The following ALK variants were observed in gnomAD, a reference collection of about 807,000 sequenced individuals.
ALK encodes the protein ALK tyrosine kinase receptor.
A neutral mutation model predicts 163.1 loss-of-function variants in ALK; 74 were observed. That is an observed-to-expected ratio of 0.45 (90% CI 0.38 to 0.55). The LOEUF (loss-of-function observed/expected upper bound fraction) is 0.55, where lower values mean the gene tolerates loss of function less well. Ranked by LOEUF, ALK falls within the 20% of genes least tolerant of loss-of-function variation. ALK has a pLI of 0.00. For missense variants in ALK, 2,063 were observed against 2,105.3 expected, an observed-to-expected ratio of 0.98 and a Z score of 0.39; for synonymous variants, 960 against 843.2, an observed-to-expected ratio of 1.14 and a Z score of -2.40.
intron 3 of ALK, among the ~76,000 whole-genome samples, chr2:29,563,954 C>A (rs1019027060): frequency 6.6e-6 from 1 of 152,180 alleles, no homozygotes. Flanking sequence ...TCACCTGCCA[C>A]CTCCTAACCT....
intron 1 of ALK, among the ~76,000 whole-genome samples, chr2:29,790,654 G>A (rs1330026869): frequency 6.6e-6 from 1 of 152,160 alleles, no homozygotes; most frequent in Non-Finnish European, 1.5e-5. Flanking sequence ...CACGATCTCG[G>A]CTCACTGCAA....
chr2:29,745,861 A>C (rs761931876), intron 1 of ALK, among the ~76,000 whole-genome samples: 4 of 152,198 alleles, frequency 2.6e-5, no homozygotes, highest in Non-Finnish European at 5.9e-5. Context: ...TGAATGAGGG[A>C]ATGATCCTAG....
At chr2:29,420,365 T>C (rs986478292) in intron 4 of ALK, among the ~76,000 whole-genome samples, 1 of 151,584 alleles carries the variant, frequency 6.6e-6, no homozygotes, top group Non-Finnish European at 1.5e-5. Flanking sequence ...AAATGCTACT[T>C]AGAATTGGTC....
At chr2:29,693,714 T>A (rs1043129995) in intron 3 of ALK, among the ~76,000 whole-genome samples, 1 of 152,202 alleles carries the variant, frequency 6.6e-6, no homozygotes, top group African/African-American at 2.4e-5. Flanking sequence ...AAGCCTGAGA[T>A]GAGATTCTCT....
At chr2:29,483,714 T>G (rs145367830) in intron 4 of ALK, among the ~76,000 whole-genome samples, 121 of 152,348 alleles carry the variant, frequency 7.9e-4, no homozygotes, top group Middle Eastern at 3.4e-3. Flanking sequence ...TTTAACATAA[T>G]GACATATATT....
chr2:29,571,606 T>TTTTTC (rs1674373812), intron 3 of ALK, among the ~76,000 whole-genome samples: 1 of 26,910 alleles, frequency 3.7e-5, no homozygotes, highest in South Asian at 5.4e-3. Context: ...TCATATCTTT[T>TTTTTC]TTTTTTTTTT....
chr2:29,419,577 CA>C (rs1478870351), intron 4 of ALK, among the ~76,000 whole-genome samples: 1 of 151,222 alleles, frequency 6.6e-6, no homozygotes, highest in Non-Finnish European at 1.5e-5. Context: ...GAATGGAGAT[CA>C]GGGGTAGAGG....
chr2:29,416,553 A>C (rs937753928), intron 4 of ALK, among the ~76,000 whole-genome samples: 6 of 152,342 alleles, frequency 3.9e-5, no homozygotes, highest in Middle Eastern at 3.4e-3. Flanking sequence ...AAAAATCATT[A>C]AGGAAAGCGA....
chr2:29,820,759 T>C lies in ALK; in HGVS notation c.667+99234A>G, dbSNP rs528658915. Reference sequence around the variant, plus strand: ...GACTGGTTTTGTGACCTGAGTCCCTTAACTAATCTTCCTCTTAGAAGAACA... The same window carrying C: ...GACTGGTTTTGTGACCTGAGTCCCTCAACTAATCTTCCTCTTAGAAGAACA... On this transcript the variant is annotated intron_variant, in intron 1 of 28. Transcript: ENST00000389048. 6.3e-4 allele frequency among the ~76,000 whole-genome samples: 96 copies of C among 152,314 alleles called. 1 individual carries two copies. Among genetic ancestry groups the C allele is most frequent in the African/African-American group, 2.2e-3 (91 of 41,570 alleles).
At chr2:29,918,194 A>G (rs1667887002) in intron 1 of ALK, among the ~76,000 whole-genome samples, 1 of 152,238 alleles carries the variant, frequency 6.6e-6, no homozygotes, top group South Asian at 2.1e-4. Context: ...TGTAGAAATG[A>G]GCCCTTTTGC....
chr2:29,319,443 C>T (rs1384256989), intron 7 of ALK, among the ~76,000 whole-genome samples: 1 of 152,164 alleles, frequency 6.6e-6, no homozygotes, highest in African/African-American at 2.4e-5. Flanking sequence ...CATTGTGTGA[C>T]TGGGGACAGA....
intron 9 of ALK, among the ~76,000 whole-genome samples, chr2:29,275,861 A>C (rs1345620382): frequency 6.6e-6 from 1 of 152,218 alleles, no homozygotes; most frequent in Non-Finnish European, 1.5e-5. Context: ...TTCGTTCAGT[A>C]AACGGGGAGT....
At chr2:29,523,797 GA>G (rs1158334963) in intron 4 of ALK, among the ~76,000 whole-genome samples, 34 of 148,286 alleles carry the variant, frequency 2.3e-4, no homozygotes, top group Admixed American at 2.3e-3. Flanking sequence ...CAGCTCAAAA[GA>G]GCCTCACTAC....
At chr2:29,502,547 C>G (rs997938940) in intron 4 of ALK, among the ~76,000 whole-genome samples, 4 of 152,002 alleles carry the variant, frequency 2.6e-5, no homozygotes, top group Non-Finnish European at 5.9e-5. Context: ...TGTAAATTGC[C>G]ATCAAACAAG....
chr2:29,335,460 TA>T (rs1667582742), intron 5 of ALK, among the ~76,000 whole-genome samples: 1 of 152,202 alleles, frequency 6.6e-6, no homozygotes, highest in South Asian at 2.1e-4. Flanking sequence ...TGTGAGAGCC[TA>T]CACAATGCAC....
At chr2:29,339,239 T>G (rs1667718061) in intron 5 of ALK, among the ~76,000 whole-genome samples, 1 of 136,232 alleles carries the variant, frequency 7.3e-6, no homozygotes, top group African/African-American at 2.6e-5. Context: ...CGAGACTCTA[T>G]CTCAAAAAAA....
rs527291918 is a variant in ALK, at chr2:29,716,087, T to A, written c.787+1491A>T. ...GCTTTTCTATAGTGAGTGGAACATCTCTGTTAGGTGCATTTTAAATAGCTT... is the reference window on the plus strand; with the variant it reads ...GCTTTTCTATAGTGAGTGGAACATCACTGTTAGGTGCATTTTAAATAGCTT... On this transcript the variant is annotated intron_variant, in intron 2 of 28. Coordinates refer to ENST00000389048, the MANE Select transcript of ALK (RefSeq NM_004304.5). 3.9e-5 allele frequency among the ~76,000 whole-genome samples: 6 copies of A among 152,268 alleles called. No homozygotes were observed. In the South Asian group the frequency reaches 1.2e-3, roughly 32 times the overall value.
chr2:29,227,754 A>T lies in ALK; in HGVS notation c.2816-82T>A. 3 of 1,140,434 alleles carry T rather than the reference A, an allele frequency of 2.6e-6. No individual in the cohort carries two copies. Among genetic ancestry groups the T allele is most frequent in the Non-Finnish European group, 4.0e-6 (3 of 753,884 alleles). 70.6% of individuals were successfully genotyped at this position (1,140,434 alleles called of 1,614,324 possible). A position where few individuals can be genotyped will look rare whatever the true frequency, so the allele number is the denominator to read the frequency against. The stretch of plus-strand genomic sequence containing the variant: ...ACACACACACGTCAGTGGGGCATGC[A>T]GCTCTGGCCAAAGTTAGGGGGTCAC... On this transcript the variant is annotated intron_variant, in intron 16 of 28. Coordinates refer to ENST00000389048, the MANE Select transcript of ALK (RefSeq NM_004304.5). The surrounding 1 kb of genome is among the most constrained non-coding windows in gnomAD (Gnocchi z 4.4).
intron 13 of ALK, among the ~76,000 whole-genome samples, chr2:29,236,028 TTTTTAGA>T (rs1346323025): frequency 2.0e-5 from 3 of 151,526 alleles, no homozygotes; most frequent in Non-Finnish European, 2.9e-5. Flanking sequence ...TTTTTTTTTT[TTTTTAGA>T]TACAGGGTCT....
Sources: gnomAD v4.1 joint callset for allele counts (sites outside exome capture counted in the v4.1 genomes callset) on GRCh38, gnomAD v4.1.1 for gene constraint, Gnocchi (gnomAD v3.1) non-coding constraint, MANE v1.5 for transcripts, NCBI Gene and HGNC (gene_info 2026-07-23, HGNC 2026-07-21) for gene names.